The following PLEKHA1 variants were observed in gnomAD, a reference collection of about 807,000 sequenced individuals.
The protein encoded by PLEKHA1 is pleckstrin homology domain containing A1.
In PLEKHA1, 34 loss-of-function variants were observed where a neutral mutation model predicts 52.0. That is an observed-to-expected ratio of 0.65 (90% CI 0.50 to 0.87). The LOEUF is 0.87. Among genes scored for constraint, PLEKHA1 ranks in the 40% least tolerant of loss-of-function variants. PLEKHA1 has a pLI of 0.00. For missense variants in PLEKHA1, 497 were observed against 504.2 expected (o/e 0.99, Z 0.14); for synonymous variants, 163 against 170.7 (o/e 0.95, Z 0.35).
intron 11 of PLEKHA1, chr10:122,428,520 T>A: frequency 9.3e-7 from 1 of 1,076,102 alleles, no homozygotes; most frequent in Non-Finnish European, 1.2e-6. Context: ...TATGTGTATT[T>A]AAAAATAAAA....
chr10:122,386,606 G>T (rs2096703195), intron 1 of PLEKHA1: 1 of 152,096 alleles, frequency 6.6e-6, no homozygotes, highest in South Asian at 2.1e-4. Flanking sequence ...TGGAAGCTTT[G>T]ACATTTTACA....
At chr10:122,436,286 A>C (rs1223269043), downstream of PLEKHA1, 1 of 152,256 alleles carries the variant, frequency 6.6e-6, no homozygotes, top group African/African-American at 2.4e-5. Context: ...ATACTATTTC[A>C]AATGACATAT....
intron 8 of PLEKHA1, chr10:122,418,526 T>C (rs568286863): frequency 6.6e-6 from 1 of 152,334 alleles, no homozygotes; most frequent in South Asian, 2.1e-4. Flanking sequence ...AGAGTAACAT[T>C]ACAGTGAGGA....
intron 7 of PLEKHA1, among the ~76,000 whole-genome samples, chr10:122,416,331 G>C (rs537049158): frequency 2.6e-5 from 4 of 152,252 alleles, no homozygotes; most frequent in African/African-American, 9.6e-5. Flanking sequence ...GAGAGCTGTT[G>C]TGGGGAGATG....
In PLEKHA1 at chr10:122,394,069, C is replaced by CTTTTT. The variant is rs796831792; in HGVS notation, c.141+750_141+754dup. Among the ~76,000 whole-genome samples, 80 of 97,238 alleles carry CTTTTT rather than the reference C, an allele frequency of 8.2e-4. 8 individuals are homozygous for CTTTTT. The highest frequency in any genetic ancestry group is 1.4e-3 in the Admixed American group (11 of 8,002). The allele number at this position is 97,238 out of a possible 152,430, so 63.8% of individuals were successfully genotyped here. On this transcript the variant is annotated intron_variant, in intron 2 of 11. Transcript: ENST00000368990. ...AGTTTTAAACTTTCAACTTTCTCTA[C>CTTTTT]TTTTTTTTTTTTTTTTTTTTTTTTT...
chr10:122,397,092 C>A (rs990190946), intron 2 of PLEKHA1, among the ~76,000 whole-genome samples: 2 of 152,094 alleles, frequency 1.3e-5, no homozygotes, highest in African/African-American at 4.8e-5. Context: ...CACTGCATTA[C>A]AGCCCCACAT....
chr10:122,389,784 A>G (rs1218054608), intron 1 of PLEKHA1, among the ~76,000 whole-genome samples: 1 of 152,188 alleles, frequency 6.6e-6, no homozygotes, highest in Non-Finnish European at 1.5e-5. Context: ...CCATTTTTAG[A>G]GTACAGGCAG....
intron 1 of PLEKHA1, among the ~76,000 whole-genome samples, chr10:122,390,603 T>C (rs1208941235): frequency 1.3e-5 from 2 of 152,056 alleles, no homozygotes; most frequent in Non-Finnish European, 2.9e-5. Flanking sequence ...CATAGTGAGA[T>C]CCTGTCTTTA....
At chr10:122,422,148 T>C (rs1180247014) in intron 8 of PLEKHA1, 16 of 152,042 alleles carry the variant, frequency 1.1e-4, no homozygotes, top group Non-Finnish European at 2.9e-5. Flanking sequence ...AATAAATAAA[T>C]GGAGAAGGAA....
In PLEKHA1 at chr10:122,425,165, G is replaced by A. The variant is rs867117630; in HGVS notation, c.810+206G>A. On this transcript the variant is annotated intron_variant, in intron 10 of 11. Transcript: ENST00000368990. ...GTGGGAGTATTTGTTATGAATTAGT[G>A]AACTAGAACTAAGTATTTAGAGAAA... 26 of 378,744 alleles carry A rather than the reference G, an allele frequency of 6.9e-5. No individual in the cohort carries two copies. The Middle Eastern group carries it at 3.4e-3, about 49-fold the overall frequency. The allele number at this position is 378,744 out of a possible 1,614,324, so 23.5% of individuals were successfully genotyped here. A position where few individuals can be genotyped will look rare whatever the true frequency, so the allele number is the denominator to read the frequency against.
intron 1 of PLEKHA1, among the ~76,000 whole-genome samples, chr10:122,377,319 G>C (rs923510803): frequency 6.6e-6 from 1 of 152,148 alleles, no homozygotes; most frequent in African/African-American, 2.4e-5. Flanking sequence ...CCAACTGTGA[G>C]CTGAGGTAAT....
At chr10:122,391,388 A>G (rs562651026) in intron 1 of PLEKHA1, among the ~76,000 whole-genome samples, 65 of 152,214 alleles carry the variant, frequency 4.3e-4, no homozygotes, top group Non-Finnish European at 8.7e-4. Context: ...TTTCTTCTGA[A>G]AGTTTTCTGG....
downstream of PLEKHA1, chr10:122,432,903 C>T (rs2097425002): frequency 6.6e-6 from 1 of 152,184 alleles, no homozygotes; most frequent in South Asian, 2.1e-4. Flanking sequence ...CCAGTGAGGA[C>T]AAGGCATTAC....
At chr10:122,385,413 G>C (rs1161782774) in intron 1 of PLEKHA1, among the ~76,000 whole-genome samples, 2 of 150,138 alleles carry the variant, frequency 1.3e-5, no homozygotes, top group East Asian at 4.0e-4. Context: ...CGCCTCCCGG[G>C]TTCAAGCAAT....
chr10:122,405,971 G>A (rs1420221101), intron 4 of PLEKHA1, among the ~76,000 whole-genome samples: 1 of 152,254 alleles, frequency 6.6e-6, no homozygotes, highest in African/African-American at 2.4e-5. Flanking sequence ...CAGTGGCAGA[G>A]AATGGCCTCA....
chr10:122,418,160 TC>T (rs1324646153), intron 8 of PLEKHA1, 192 bp downstream of exon 8: 2 of 463,438 alleles, frequency 4.3e-6, no homozygotes, highest in East Asian at 3.4e-5. Flanking sequence ...AGTAAAAAGA[TC>T]CTATCTTCAA....
chr10:122,388,361 T>A (rs996642985), intron 1 of PLEKHA1, among the ~76,000 whole-genome samples: 1 of 152,218 alleles, frequency 6.6e-6, no homozygotes, highest in Non-Finnish European at 1.5e-5. Context: ...GTCTGAAAAA[T>A]ATTCCATTGT....
intron 8 of PLEKHA1, 44 bp downstream of exon 8, chr10:122,418,012 AGT>A (rs775575246): frequency 9.5e-6 from 14 of 1,478,546 alleles, no homozygotes; most frequent in Non-Finnish European, 1.2e-5. Flanking sequence ...ATGTTTGAAA[AGT>A]GTTGCAATGT....
chr10:122,411,413 G>A (rs1053520399), intron 5 of PLEKHA1, among the ~76,000 whole-genome samples: 1 of 152,180 alleles, frequency 6.6e-6, no homozygotes, highest in African/African-American at 2.4e-5. Context: ...GACCATGTTT[G>A]CTCAATATTT....
Sources: gnomAD v4.1 joint callset for allele counts (sites outside exome capture counted in the v4.1 genomes callset) on GRCh38, gnomAD v4.1.1 for gene constraint, MANE v1.5 for transcripts, NCBI Gene and HGNC (gene_info 2026-07-23, HGNC 2026-07-21) for gene names.